Variants in ADAM17 observed in about 807,000 individuals in gnomAD.
ADAM17 encodes the protein ADAM metallopeptidase domain 17.
ADAM17 carries 39 observed loss-of-function variants against 96.7 expected under a neutral mutation model. That is an observed-to-expected ratio of 0.40 (90% CI 0.31 to 0.53). The LOEUF is 0.53. Among genes scored for constraint, ADAM17 ranks in the 20% least tolerant of loss-of-function variants. The pLI, the probability that ADAM17 is intolerant of heterozygous loss-of-function variation, is 0.44. For synonymous variants in ADAM17, 344 were observed against 359.2 expected (o/e 0.96, Z 0.48); for missense variants, 777 against 1,013.2 (o/e 0.77, Z 3.17).
At chr2:9,502,064 TGA>T in intron 13 of ADAM17, 107 bp downstream of exon 13, 2 of 976,810 alleles carry the variant, frequency 2.0e-6, no homozygotes, top group South Asian at 3.1e-5. Flanking sequence ...ACCCGGCATA[TGA>T]GATTAAAAAT....
chr2:9,545,395 C>G (rs1665365615), intron 1 of ADAM17, among the ~76,000 whole-genome samples: 1 of 152,048 alleles, frequency 6.6e-6, no homozygotes, highest in Non-Finnish European at 1.5e-5. Flanking sequence ...ATGGCAAAAC[C>G]CTGTCTCTAC....
chr2:9,542,658 T>C (rs1255929679), intron 2 of ADAM17, among the ~76,000 whole-genome samples: 2 of 152,202 alleles, frequency 1.3e-5, no homozygotes, highest in African/African-American at 4.8e-5. Context: ...CAATATCTAT[T>C]TACTTTTTTA....
At chr2:9,552,077 T>A (rs1023632895) in intron 1 of ADAM17, among the ~76,000 whole-genome samples, 27 of 152,210 alleles carry the variant, frequency 1.8e-4, no homozygotes, top group African/African-American at 6.3e-4. Context: ...GCTCAACCCA[T>A]ATATGAAAAG....
At chr2:9,545,154 G>T (rs528117220) in intron 1 of ADAM17, among the ~76,000 whole-genome samples, 1 of 152,202 alleles carries the variant, frequency 6.6e-6, no homozygotes, top group Non-Finnish European at 1.5e-5. Flanking sequence ...CTGGGAATTT[G>T]TTAAAAATGC....
chr2:9,527,785 C>A lies in ADAM17; in HGVS notation c.619+1G>T. ...TTTGAAATACACTCTTTAAGTCTTA[C>A]CTTCAGGTGGTTCTCTGTCTACTAA... On this transcript the variant is annotated splice_donor_variant, in intron 5 of 18. Transcript: ENST00000310823. LOFTEE classifies it high-confidence loss of function. The A allele has an allele frequency of 6.4e-7, 1 of 1,563,212 alleles. No individual in the cohort carries two copies. The highest frequency in any genetic ancestry group is 1.2e-5 in the South Asian group (1 of 80,426).
At chr2:9,516,806 T>C (rs1245556485) in intron 10 of ADAM17, among the ~76,000 whole-genome samples, 1 of 152,154 alleles carries the variant, frequency 6.6e-6, no homozygotes, top group Non-Finnish European at 1.5e-5. Context: ...GATACTAATA[T>C]GTCCTACCAA....
chr2:9,518,123 T>C lies in ADAM17; in HGVS notation c.1082A>G (p.His361Arg), dbSNP rs1664146429. Residue 361 changes from histidine to arginine, a missense_variant, in exon 9 of 19, where the codon CAT becomes CGT. Physicochemically the swap from His to Arg is conservative, Grantham distance 29. Around this residue, in one of 3 missense-constraint regions of ADAM17, gnomAD observed 446 missense variants for 664.7 expected, o/e 0.67. Coordinates refer to ENST00000310823, the MANE Select transcript of ADAM17 (RefSeq NM_003183.6). ...AYVGSPRANS[H>R]GGVCPKAYYS... ...CTTACCCTTTGGACAAACACCTCCA[T>C]GGCTGTTTGCTCTGGGAGAGCCAAC... The C allele has an allele frequency of 1.9e-6, 3 of 1,596,472 alleles. No individual in the cohort carries two copies. The highest frequency in any genetic ancestry group is 2.6e-6 in the Non-Finnish European group (3 of 1,174,928).
At chr2:9,501,842 A>G (rs1663025427) in intron 13 of ADAM17, among the ~76,000 whole-genome samples, 1 of 152,152 alleles carries the variant, frequency 6.6e-6, no homozygotes, top group Non-Finnish European at 1.5e-5. Flanking sequence ...TTTAAGGTAG[A>G]ATATCATTTT....
At chr2:9,546,220 C>T (rs1056098726) in intron 1 of ADAM17, among the ~76,000 whole-genome samples, 2 of 151,850 alleles carry the variant, frequency 1.3e-5, no homozygotes, top group African/African-American at 4.8e-5. Context: ...AAAAAATAAG[C>T]ACAAGACAGT....
At position 9,527,855 on chromosome 2, in the gene ADAM17, A is replaced by G; in HGVS notation, c.550T>C (p.Cys184Arg). The change falls in exon 5 of 19, where the codon TGT becomes CGT. Residue 184 changes from cysteine to arginine, a missense_variant. Transcript: ENST00000310823. ...TCATTATCCACTTTTAAATAACCAC[A>G]CACTTTTGGAGACTGCAAACGTGAA... Reference protein sequence around the residue: ...NVSRLQSPKVCGYLKVDNEEL... With the variant: ...NVSRLQSPKVRGYLKVDNEEL... 6.2e-7 allele frequency: 1 copy of G among 1,606,358 alleles called. No individual in the cohort carries two copies. The highest frequency in any genetic ancestry group is 8.5e-7 in the Non-Finnish European group (1 of 1,176,928).
chr2:9,509,424 G>A (rs1663604678), intron 11 of ADAM17, among the ~76,000 whole-genome samples: 2 of 152,134 alleles, frequency 1.3e-5, no homozygotes, highest in Admixed American at 1.3e-4. Context: ...AATAGTAAAT[G>A]ATTCCATTAA....
chr2:9,511,822 C>T (rs1250519900), intron 10 of ADAM17, among the ~76,000 whole-genome samples: 3 of 151,594 alleles, frequency 2.0e-5, no homozygotes, highest in Non-Finnish European at 4.4e-5. Flanking sequence ...AATATAAAAC[C>T]TAGCCAGGCA....
intron 11 of ADAM17, among the ~76,000 whole-genome samples, chr2:9,509,720 CATT>C (rs1161747239): frequency 6.6e-6 from 1 of 152,082 alleles, no homozygotes; most frequent in Admixed American, 6.6e-5. Context: ...CAAAAAAAGC[CATT>C]ATTATTAGTA....
intron 5 of ADAM17, among the ~76,000 whole-genome samples, chr2:9,527,225 G>A (rs1339999054): frequency 9.9e-5 from 15 of 152,076 alleles, no homozygotes; most frequent in Admixed American, 8.5e-4. Context: ...AGGAGTCTGA[G>A]GCAGGAGAAT....
chr2:9,505,968 G>C (rs1663362030), intron 11 of ADAM17, among the ~76,000 whole-genome samples: 1 of 152,076 alleles, frequency 6.6e-6, no homozygotes, highest in Non-Finnish European at 1.5e-5. Flanking sequence ...CAAGACCAGT[G>C]TCTCAAAAAG....
At chr2:9,515,108 T>G (rs1208292891) in intron 10 of ADAM17, among the ~76,000 whole-genome samples, 2 of 152,176 alleles carry the variant, frequency 1.3e-5, no homozygotes, top group Non-Finnish European at 2.9e-5. Context: ...GCATAATGTC[T>G]TATACTGACT....
At chr2:9,516,503 C>G (rs1664065770) in intron 10 of ADAM17, among the ~76,000 whole-genome samples, 1 of 152,152 alleles carries the variant, frequency 6.6e-6, no homozygotes, top group Non-Finnish European at 1.5e-5. Flanking sequence ...CCAACCAGCC[C>G]TTTAGGAAGC....
At chr2:9,495,386 CA>C (rs1488139456) in intron 14 of ADAM17, among the ~76,000 whole-genome samples, 17 of 152,358 alleles carry the variant, frequency 1.1e-4, no homozygotes, top group African/African-American at 4.1e-4. Context: ...AAAAAGAAAT[CA>C]ACTAGAACAC....
intron 12 of ADAM17, among the ~76,000 whole-genome samples, chr2:9,503,421 A>G (rs1663150054): frequency 6.6e-6 from 1 of 152,248 alleles, no homozygotes; most frequent in African/African-American, 2.4e-5. Flanking sequence ...ATATAGAATC[A>G]TGATAACATT....
Sources: gnomAD v4.1 joint callset for allele counts (sites outside exome capture counted in the v4.1 genomes callset) on GRCh38, gnomAD v4.1.1 for gene constraint, gnomAD v4.1.1 regional missense constraint, MANE v1.5 for transcripts, NCBI Gene and HGNC (gene_info 2026-07-23, HGNC 2026-07-21) for gene names.